Variants in KIAA0825 observed in about 807,000 individuals in gnomAD.
KIAA0825 encodes the protein uncharacterized protein KIAA0825.
In KIAA0825, 119 loss-of-function variants were observed where a neutral mutation model predicts 147.6. That is an observed-to-expected ratio of 0.81 (90% CI 0.69 to 0.94). The LOEUF is 0.94. KIAA0825 is among the 40% of genes least tolerant of loss of function. The pLI is 0.00. For synonymous variants in KIAA0825, 470 were observed against 518.1 expected, an observed-to-expected ratio of 0.91 and a Z score of 1.26; for missense variants, 1,381 against 1,472.7, an observed-to-expected ratio of 0.94 and a Z score of 1.02.
chr5:94,440,169 T>C (rs1167954630), intron 13 of KIAA0825, 48 bp from the exon 14 acceptor site: 2 of 1,508,494 alleles, frequency 1.3e-6, no homozygotes, highest in South Asian at 2.4e-5. Flanking sequence ...AATTTATCTA[T>C]GAAATTAATA....
intron 2 of KIAA0825, among the ~76,000 whole-genome samples, chr5:94,562,615 C>T (rs777108186): frequency 1.4e-4 from 21 of 152,204 alleles, no homozygotes; most frequent in Admixed American, 2.6e-4. Context: ...CAAAAGAAAG[C>T]TGTCCAGCTG....
intron 20 of KIAA0825, among the ~76,000 whole-genome samples, chr5:94,273,185 A>T (rs1777070901): frequency 1.3e-5 from 2 of 152,270 alleles, no homozygotes; most frequent in South Asian, 4.1e-4. Context: ...CTTATCTCAT[A>T]AATTTGTTGC....
At chr5:94,387,429 C>A (rs1749308215) in intron 18 of KIAA0825, among the ~76,000 whole-genome samples, 1 of 152,148 alleles carries the variant, frequency 6.6e-6, no homozygotes, top group Admixed American at 6.6e-5. Flanking sequence ...TGCAGTGGTT[C>A]ACACCTGTAA....
At chr5:94,270,929 GAAT>G (rs1776952913) in intron 20 of KIAA0825, among the ~76,000 whole-genome samples, 1 of 152,012 alleles carries the variant, frequency 6.6e-6, no homozygotes, top group African/African-American at 2.4e-5. Context: ...CACAAAGTTG[GAAT>G]AATATTTCCC....
At chr5:94,255,464 G>C (rs749906255) in intron 20 of KIAA0825, among the ~76,000 whole-genome samples, 2 of 151,994 alleles carry the variant, frequency 1.3e-5, no homozygotes, top group African/African-American at 4.8e-5. Flanking sequence ...ATGGAAGGTA[G>C]AGATGTCACT....
intron 20 of KIAA0825, among the ~76,000 whole-genome samples, chr5:94,348,526 A>G (rs755525005): frequency 4.6e-5 from 7 of 152,336 alleles, no homozygotes; most frequent in South Asian, 4.1e-4. Context: ...TCAGCCAAGA[A>G]TTTTGTATCC....
At chr5:94,351,190 A>G (rs534199474) in intron 20 of KIAA0825, among the ~76,000 whole-genome samples, 1 of 152,312 alleles carries the variant, frequency 6.6e-6, no homozygotes, top group East Asian at 1.9e-4. Context: ...CTCCTCCAGA[A>G]AGCTCCTAGA....
chr5:94,166,604 T>C (rs920279113), intron 20 of KIAA0825, among the ~76,000 whole-genome samples: 6 of 145,208 alleles, frequency 4.1e-5, no homozygotes, highest in African/African-American at 1.5e-4. Context: ...GCCTCCCGGG[T>C]TCACGCCATT....
Position 94,462,371 on chromosome 5 carries a change from T to C in KIAA0825, c.2246+16A>G. On this transcript the variant is annotated intron_variant, in intron 12 of 20. Transcript: ENST00000682413. Reference sequence around the variant, plus strand: ...TATATCATAATAGCTAAAAGGAAAATACATTTGATACTTACTTATATAATT... The same window carrying C: ...TATATCATAATAGCTAAAAGGAAAACACATTTGATACTTACTTATATAATT... The C allele has an allele frequency of 1.6e-6, 2 of 1,254,842 alleles. No homozygotes were observed. Among genetic ancestry groups the C allele is most frequent in the South Asian group, 3.1e-5 (2 of 64,574 alleles). 77.7% of individuals were successfully genotyped at this position (1,254,842 alleles called of 1,614,324 possible).
intron 2 of KIAA0825, among the ~76,000 whole-genome samples, chr5:94,545,504 A>G (rs1774176819): frequency 6.6e-6 from 1 of 152,144 alleles, no homozygotes; most frequent in Non-Finnish European, 1.5e-5. Flanking sequence ...TTTGTCTTGC[A>G]TCTTGGATAC....
intron 5 of KIAA0825, among the ~76,000 whole-genome samples, chr5:94,507,175 C>T (rs926935270): frequency 5.9e-5 from 9 of 152,132 alleles, no homozygotes; most frequent in Non-Finnish European, 1.2e-4. Flanking sequence ...AATGGCTGAG[C>T]GCGGTGGCTC....
chr5:94,564,619 G>A (rs541513883), intron 2 of KIAA0825, among the ~76,000 whole-genome samples: 2 of 148,430 alleles, frequency 1.3e-5, no homozygotes, highest in East Asian at 4.1e-4. Flanking sequence ...GCCCTGACTG[G>A]TCTCTAACTT....
At chr5:94,609,839 T>C (rs944778742) in intron 1 of KIAA0825, among the ~76,000 whole-genome samples, 4 of 151,724 alleles carry the variant, frequency 2.6e-5, no homozygotes, top group Admixed American at 6.6e-5. Context: ...GAAAGCAACA[T>C]AGAAACAGAG....
chr5:94,213,276 C>G (rs1020125860), intron 20 of KIAA0825, among the ~76,000 whole-genome samples: 6 of 152,070 alleles, frequency 3.9e-5, no homozygotes, highest in Admixed American at 2.0e-4. Context: ...TTTCATAAAC[C>G]TCCAAGTCCT....
chr5:94,199,584 G>A (rs1184396997), intron 20 of KIAA0825, among the ~76,000 whole-genome samples: 1 of 152,170 alleles, frequency 6.6e-6, no homozygotes, highest in Non-Finnish European at 1.5e-5. Flanking sequence ...ACACCAGTGG[G>A]GAAGTTGGGG....
At position 94,204,140 on chromosome 5, in the gene KIAA0825, T is replaced by C. The variant is rs183595445; in HGVS notation, c.3711-50016A>G. 6.5e-4 allele frequency among the ~76,000 whole-genome samples: 99 copies of C among 152,292 alleles called. 1 individual carries two copies. Among genetic ancestry groups the C allele is most frequent in the African/African-American group, 2.3e-3 (94 of 41,570 alleles). On this transcript the variant is annotated intron_variant, in intron 20 of 20. Coordinates refer to ENST00000682413, the MANE Select transcript of KIAA0825 (RefSeq NM_001145678.3). ...ATGGTCAAGTCATTAGTTTTTCTTA[T>C]TGGGGAAATGGGAGTTATTCAAATA...
chr5:94,269,900 T>C lies in KIAA0825; in HGVS notation c.3710+114468A>G, dbSNP rs562664893. Among the ~76,000 whole-genome samples the C allele has an allele frequency of 3.9e-5, 6 of 152,006 alleles. No homozygotes were observed. In the South Asian group the frequency reaches 1.2e-3, roughly 32 times the overall value. ...AAGTTAAACAAAATACACAAACCTTTAGCCTGGCTAAATAAGAAAAAAAGA... is the reference window on the plus strand; with the variant it reads ...AAGTTAAACAAAATACACAAACCTTCAGCCTGGCTAAATAAGAAAAAAAGA... On this transcript the variant is annotated intron_variant, in intron 20 of 20. Coordinates refer to ENST00000682413, the MANE Select transcript of KIAA0825 (RefSeq NM_001145678.3).
chr5:94,531,568 G>C (rs1770815506), intron 3 of KIAA0825, among the ~76,000 whole-genome samples: 1 of 152,172 alleles, frequency 6.6e-6, no homozygotes, highest in South Asian at 2.1e-4. Context: ...TCTTAATTCT[G>C]GAGAGAACAA....
chr5:94,583,305 T>C (rs1454843899), intron 1 of KIAA0825, among the ~76,000 whole-genome samples: 1 of 152,180 alleles, frequency 6.6e-6, no homozygotes, highest in Non-Finnish European at 1.5e-5. Flanking sequence ...CCTGTCCAAA[T>C]ACTGCACTCT....
Sources: gnomAD v4.1 joint callset for allele counts (sites outside exome capture counted in the v4.1 genomes callset) on GRCh38, gnomAD v4.1.1 for gene constraint, MANE v1.5 for transcripts, NCBI Gene and HGNC (gene_info 2026-07-23, HGNC 2026-07-21) for gene names.